IFT81: variants seen among roughly 807,000 people sequenced by gnomAD.
The protein encoded by IFT81 is intraflagellar transport 81.
Under a neutral mutation model 102.6 loss-of-function variants are expected in IFT81, and 72 were observed. The ratio of observed to expected loss-of-function variants is 0.70; its 90% CI spans 0.58 to 0.85. The LOEUF (loss-of-function observed/expected upper bound fraction) is 0.85, where lower values mean the gene tolerates loss of function less well. IFT81 is among the 40% of genes least tolerant of loss of function. The probability of loss-of-function intolerance (pLI) is 0.00; values close to 1 mark genes in which losing one functional copy is unlikely to be tolerated. For missense variants in IFT81, 723 were observed against 787.3 expected (o/e 0.92, Z 0.98); for synonymous variants, 237 against 242.7 (o/e 0.98, Z 0.22).
intron 11 of IFT81, chr12:110,168,338 AACAC>A (rs1896552284): frequency 5.8e-6 from 1 of 172,684 alleles, no homozygotes; most frequent in African/African-American, 2.4e-5. Flanking sequence ...GTCAACCTGA[AACAC>A]ATGATGGAAT....
At chr12:110,180,592 G>A in intron 12 of IFT81, 21 bp downstream of exon 12, 2 of 1,566,230 alleles carry the variant, frequency 1.3e-6, no homozygotes, top group East Asian at 2.3e-5. Context: ...ATTATCTTGG[G>A]CTACTATAAA....
chr12:110,190,795 C>A, intron 12 of IFT81, 125 bp from the exon 13 acceptor site: 2 of 786,848 alleles, frequency 2.5e-6, no homozygotes, highest in Non-Finnish European at 3.7e-6. Context: ...TGAAGATTGT[C>A]CTTTAGGATT....
intron 3 of IFT81, 143 bp from the exon 4 acceptor site, chr12:110,128,807 A>AG: frequency 1.6e-6 from 1 of 615,586 alleles, no homozygotes. Context: ...AAAAAAAAAA[A>AG]AAAGATTCCT....
intron 14 of IFT81, among the ~76,000 whole-genome samples, chr12:110,197,255 GATAGA>G (rs1566163062): frequency 8.4e-6 from 1 of 119,058 alleles, no homozygotes; most frequent in Non-Finnish European, 2.0e-5. Context: ...TAGGTAGATA[GATAGA>G]TAGATAGATA....
Position 110,192,598 on chromosome 12 carries a change from T to G in IFT81, c.1468-19T>G. ...TTTGAATTCTTTTTTAGGTGTTATA[T>G]TTTTTGTTCAAATAACAGGTGAAAA... On this transcript the variant is annotated intron_variant, in intron 13 of 18. Transcript: ENST00000242591. The G allele has an allele frequency of 1.5e-6, 2 of 1,296,156 alleles. No homozygotes were observed. Among genetic ancestry groups the G allele is most frequent in the East Asian group, 2.5e-5 (1 of 40,652 alleles). 80.3% of individuals were successfully genotyped at this position (1,296,156 alleles called of 1,614,324 possible). A position where few individuals can be genotyped will look rare whatever the true frequency, so the allele number is the denominator to read the frequency against.
At chr12:110,151,761 A>T (rs1373737678) in intron 10 of IFT81, among the ~76,000 whole-genome samples, 1 of 152,252 alleles carries the variant, frequency 6.6e-6, no homozygotes, top group East Asian at 1.9e-4. Context: ...TCTTGAATTT[A>T]TTCCCCCAAC....
chr12:110,178,378 C>T (rs916353409), intron 11 of IFT81, among the ~76,000 whole-genome samples: 3 of 145,542 alleles, frequency 2.1e-5, no homozygotes, highest in Non-Finnish European at 4.5e-5. Flanking sequence ...TGTGCGGCTG[C>T]ACTCCAGCCT....
chr12:110,212,253 A>C (rs972563211), intron 18 of IFT81, among the ~76,000 whole-genome samples: 3 of 151,910 alleles, frequency 2.0e-5, no homozygotes, highest in South Asian at 2.1e-4. Flanking sequence ...AAAAAAAAAA[A>C]AAAAAAACTT....
chr12:110,136,785 G>A lies in IFT81; in HGVS notation c.706G>A (p.Ala236Thr), dbSNP rs774952604. ...KQEQKNQLFH[A>T]VQRLQRVQNQ... is the part of the protein sequence containing the mutation. ...TAATTGTATTTTAAAGCTATTTCAT[G>A]CAGTGCAAAGATTGCAAAGAGTACA... Residue 236 changes from alanine to threonine, a missense_variant, in exon 8 of 19, where the codon GCA (alanine) becomes ACA (threonine). Ala to Thr is a moderately conservative substitution (Grantham distance 58). Coordinates refer to ENST00000242591, the MANE Select transcript of IFT81 (RefSeq NM_014055.4). 1.9e-6 allele frequency: 3 copies of A among 1,604,282 alleles called. No individual in the cohort carries two copies. The highest frequency in any genetic ancestry group is 1.7e-5 in the Admixed American group (1 of 59,614).
Position 110,180,438 on chromosome 12 carries a change from A to G in IFT81, c.1205A>G (p.Asn402Ser). 5 of 1,605,020 alleles carry G rather than the reference A, an allele frequency of 3.1e-6. No homozygotes were observed. The highest frequency in any genetic ancestry group is 4.3e-6 in the Non-Finnish European group (5 of 1,173,286). Residue 402 changes from asparagine (N) to serine (S), a missense_variant, in exon 12 of 19, where the codon AAT becomes AGT. Asn to Ser is a conservative substitution (Grantham distance 46). Coordinates refer to ENST00000242591, the MANE Select transcript of IFT81 (RefSeq NM_014055.4). ...LKGDEFKRYV[N>S]KLRSKSTVFK... ...TTTTTACAGTTCAAACGATATGTCA[A>G]TAAACTTCGAAGCAAGAGTACAGTT...
chr12:110,170,994 A>T (rs1033844532), intron 11 of IFT81, among the ~76,000 whole-genome samples: 5 of 152,226 alleles, frequency 3.3e-5, no homozygotes, highest in Admixed American at 6.5e-5. Context: ...GTCCTGAAAA[A>T]TTAGGAATCA....
At chr12:110,152,397 A>G (rs1449555253) in intron 10 of IFT81, among the ~76,000 whole-genome samples, 1 of 152,084 alleles carries the variant, frequency 6.6e-6, no homozygotes, top group African/African-American at 2.4e-5. Context: ...TTCCTTGATG[A>G]TTAGGGATGC....
At chr12:110,146,853 A>C (rs376028285) in intron 9 of IFT81, 100 bp from the exon 10 acceptor site, 1 of 1,339,274 alleles carries the variant, frequency 7.5e-7, no homozygotes, top group Non-Finnish European at 9.7e-7. Context: ...TTTAAAAAAA[A>C]AGAACCATAA....
chr12:110,191,157 C>A, intron 13 of IFT81, 109 bp downstream of exon 13: 320 of 790,106 alleles, frequency 4.1e-4, no homozygotes, highest in Non-Finnish European at 5.4e-4. Flanking sequence ...CTGCACATTA[C>A]ATTCTTTCAT....
At chr12:110,180,677 A>G in intron 12 of IFT81, 106 bp downstream of exon 12, 1 of 751,696 alleles carries the variant, frequency 1.3e-6, no homozygotes, top group Middle Eastern at 3.0e-4. Context: ...TGATAAAAGT[A>G]TTACTTTTCT....
chr12:110,192,695 CA>C lies in IFT81; in HGVS notation c.1551del (p.Lys517AsnfsTer5). ...TATAAAAGAGCTACGACAGTTGCGT[CA>C]AAAATATCAAGTAAGTTTTTGATTT... ...SVIKELRQLR[Q>X]KYQELTQECD... On this transcript the variant is annotated frameshift_variant, in exon 14 of 19. Coordinates refer to ENST00000242591, the MANE Select transcript of IFT81 (RefSeq NM_014055.4). LOFTEE classifies it high-confidence loss of function. The C allele has an allele frequency of 1.9e-6, 3 of 1,556,148 alleles. No individual in the cohort carries two copies. The highest frequency in any genetic ancestry group is 2.6e-6 in the Non-Finnish European group (3 of 1,143,092).
intron 18 of IFT81, among the ~76,000 whole-genome samples, chr12:110,214,445 T>G (rs2137616192): frequency 6.6e-6 from 1 of 152,226 alleles, no homozygotes; most frequent in African/African-American, 2.4e-5. Context: ...AAACCCAGCC[T>G]TTCAAAGTGA....
chr12:110,208,663 A>G (rs1869005436), intron 17 of IFT81, among the ~76,000 whole-genome samples: 1 of 152,200 alleles, frequency 6.6e-6, no homozygotes, highest in Non-Finnish European at 1.5e-5. Context: ...TTTCCCATCT[A>G]TAGACATTTA....
intron 8 of IFT81, among the ~76,000 whole-genome samples, chr12:110,140,649 T>C (rs1939930531): frequency 6.6e-6 from 1 of 152,204 alleles, no homozygotes; most frequent in African/African-American, 2.4e-5. Flanking sequence ...AGTCAGGATG[T>C]AGATTTAATC....
Sources: gnomAD v4.1 joint callset for allele counts (sites outside exome capture counted in the v4.1 genomes callset) on GRCh38, gnomAD v4.1.1 for gene constraint, MANE v1.5 for transcripts, NCBI Gene and HGNC (gene_info 2026-07-23, HGNC 2026-07-21) for gene names.